Variants in CCDC150 observed in about 807,000 individuals in gnomAD.
CCDC150 encodes the protein coiled-coil domain-containing protein 150.
In CCDC150, 151 loss-of-function variants were observed where a neutral mutation model predicts 156.5. That is an observed-to-expected ratio of 0.97 (90% CI 0.85 to 1.10). CCDC150 has a LOEUF of 1.10. Among genes scored for constraint, CCDC150 ranks in the 50% least tolerant of loss-of-function variants. The pLI is 0.00. For missense variants in CCDC150, 1,312 were observed against 1,268.1 expected (o/e 1.03, Z -0.53); for synonymous variants, 452 against 429.4 (o/e 1.05, Z -0.65).
intron 13 of CCDC150, among the ~76,000 whole-genome samples, chr2:196,691,557 C>T: frequency 6.6e-6 from 1 of 151,368 alleles, no homozygotes; most frequent in East Asian, 1.9e-4. Flanking sequence ...GTGGTAATAT[C>T]TCCTTTATCA....
intron 19 of CCDC150, 86 bp downstream of exon 19, chr2:196,719,752 G>T (rs1034670309): frequency 5.4e-6 from 5 of 928,468 alleles, no homozygotes; most frequent in African/African-American, 1.7e-5. Context: ...GTCACTTTAT[G>T]TAGCTTCCTT....
At chr2:196,709,545 T>A (rs1430518122) in intron 15 of CCDC150, among the ~76,000 whole-genome samples, 1 of 152,228 alleles carries the variant, frequency 6.6e-6, no homozygotes, top group African/African-American at 2.4e-5. Flanking sequence ...CTTTGTTCCG[T>A]TGCTGGTGAG....
chr2:196,679,982 A>T (rs902223671), intron 13 of CCDC150, among the ~76,000 whole-genome samples: 2 of 152,154 alleles, frequency 1.3e-5, no homozygotes, highest in African/African-American at 4.8e-5. Flanking sequence ...TTTAAAACAT[A>T]TTCTTATAAT....
intron 4 of CCDC150, chr2:196,657,560 G>A (rs1012063247): frequency 2.3e-5 from 4 of 173,644 alleles, no homozygotes; most frequent in African/African-American, 7.2e-5. Flanking sequence ...ATGTTTGAGA[G>A]GGTGAGGATG....
chr2:196,674,526 T>G (rs1459074481), intron 10 of CCDC150, among the ~76,000 whole-genome samples, 178 bp downstream of exon 10: 1 of 152,180 alleles, frequency 6.6e-6, no homozygotes, highest in Non-Finnish European at 1.5e-5. Flanking sequence ...GGCCTTACAC[T>G]CAGGGCTTTT....
rs577018602 is a variant in CCDC150, at chr2:196,721,303, G to A, written c.2260-219G>A. 1.5e-4 allele frequency among the ~76,000 whole-genome samples: 14 copies of A among 90,590 alleles called. No homozygotes were observed. The South Asian group carries it at 6.3e-3, about 41-fold the overall frequency. 59.4% of individuals were successfully genotyped at this position (90,590 alleles called of 152,430 possible). A position where few individuals can be genotyped will look rare whatever the true frequency, so the allele number is the denominator to read the frequency against. On this transcript the variant is annotated intron_variant, in intron 20 of 27. Transcript: ENST00000389175. ...GCATGGCCTTCCCATTGCCTTCTAAGTGTTTCCTGAGCAATGTCTCTAATG... is the reference window on the plus strand; with the variant it reads ...GCATGGCCTTCCCATTGCCTTCTAAATGTTTCCTGAGCAATGTCTCTAATG...
rs781772582 is a variant in CCDC150, at chr2:196,656,958, C to G, written c.398C>G (p.Ala133Gly). The G allele has an allele frequency of 2.5e-6, 4 of 1,613,228 alleles. No homozygotes were observed. Among genetic ancestry groups the G allele is most frequent in the Non-Finnish European group, 2.5e-6 (3 of 1,179,550 alleles). Residue 133 changes from alanine (A) to glycine (G), a missense_variant and splice_region_variant, in exon 4 of 28, where the codon GCT becomes GGT. Physicochemically the swap from Ala to Gly is moderately conservative, Grantham distance 60. Coordinates refer to ENST00000389175, the MANE Select transcript of CCDC150 (RefSeq NM_001080539.2). ...ATGCCCCTCCTGTGCGGTCTGGTAGCTTTTCTGAAAGATCGACTGAATGCA... is the reference window on the plus strand; with the variant it reads ...ATGCCCCTCCTGTGCGGTCTGGTAGGTTTTCTGAAAGATCGACTGAATGCA... Reference protein sequence around the residue: ...TEKDLNPQKTAFLKDRLNAIQ... With the variant: ...TEKDLNPQKTGFLKDRLNAIQ...
chr2:196,729,808 T>A lies in CCDC150; in HGVS notation c.2767T>A (p.Leu923Met), dbSNP rs1698428540. The change falls in exon 24 of 28, where the codon TTG becomes ATG. Residue 923 changes from leucine to methionine, a missense_variant. By Grantham distance (15) the Leu-to-Met change is conservative. Transcript: ENST00000389175. ...TTACTTTTAGCAAATAGAAAAAGAA[T>A]TGAAGCAAATGGAGCTAATTAAGGA... is the stretch of plus-strand genomic sequence containing the variant. The part of the protein sequence containing the change: ...IERMKQIEKE[L>M]KQMELIKDQY... 1.3e-6 allele frequency: 2 copies of A among 1,579,302 alleles called. No individual in the cohort carries two copies. Among genetic ancestry groups the A allele is most frequent in the Non-Finnish European group, 8.7e-7 (1 of 1,155,734 alleles).
intron 24 of CCDC150, 32 bp from the exon 25 acceptor site, chr2:196,729,924 TC>T: frequency 6.2e-7 from 1 of 1,608,212 alleles, no homozygotes; most frequent in Non-Finnish European, 8.5e-7. Context: ...TGGAGGGTGT[TC>T]ACCAAATGTC....
Position 196,725,965 on chromosome 2 carries a change from C to T in CCDC150, c.2430-8C>T. On this transcript the variant is annotated splice_region_variant and splice_polypyrimidine_tract_variant and intron_variant, in intron 21 of 27. Coordinates refer to ENST00000389175, the MANE Select transcript of CCDC150 (RefSeq NM_001080539.2). ...AAGGTGACTTATCACCTCTCTTCTTCAAAACAGAGACCGGATGACTGAAGA... is the reference window on the plus strand; with the variant it reads ...AAGGTGACTTATCACCTCTCTTCTTTAAAACAGAGACCGGATGACTGAAGA... The T allele has an allele frequency of 1.3e-6, 2 of 1,586,822 alleles. No individual in the cohort carries two copies. Among genetic ancestry groups the T allele is most frequent in the Non-Finnish European group, 1.7e-6 (2 of 1,165,804 alleles).
chr2:196,712,809 AT>A lies in CCDC150; in HGVS notation c.1866+71del. 2.6e-6 allele frequency: 3 copies of A among 1,146,426 alleles called. No homozygotes were observed. In the South Asian group the frequency reaches 4.2e-5, roughly 16 times the overall value. The allele number at this position is 1,146,426 out of a possible 1,614,324, so 71.0% of individuals were successfully genotyped here. A position where few individuals can be genotyped will look rare whatever the true frequency, so the allele number is the denominator to read the frequency against. Reference sequence around the variant, plus strand: ...AAGCTAAAAACCTTTCATAGTTCACATAATATTTTAACGAATGAATAGAAAA... The same window carrying A: ...AAGCTAAAAACCTTTCATAGTTCACAAATATTTTAACGAATGAATAGAAAA... On this transcript the variant is annotated intron_variant, in intron 17 of 27. Coordinates refer to ENST00000389175, the MANE Select transcript of CCDC150 (RefSeq NM_001080539.2).
At chr2:196,712,765 G>T in intron 17 of CCDC150, 26 bp downstream of exon 17, 1 of 1,559,672 alleles carries the variant, frequency 6.4e-7, no homozygotes, top group Non-Finnish European at 8.8e-7. Flanking sequence ...GTGCTTACTT[G>T]TCAGCATGGT....
chr2:196,720,766 G>T, intron 20 of CCDC150, 98 bp downstream of exon 20: 1 of 1,070,998 alleles, frequency 9.3e-7, no homozygotes, highest in Non-Finnish European at 1.4e-6. Context: ...TCAGGTAAAT[G>T]TTTTTTTCAA....
chr2:196,714,475 G>GAGT (rs1697359686), intron 17 of CCDC150, among the ~76,000 whole-genome samples: 1 of 151,830 alleles, frequency 6.6e-6, no homozygotes. Context: ...AGTGTAGGGA[G>GAGT]AGTAGTAGCC....
intron 5 of CCDC150, among the ~76,000 whole-genome samples, chr2:196,660,897 T>C (rs890642880): frequency 3.3e-5 from 5 of 152,226 alleles, no homozygotes; most frequent in African/African-American, 7.2e-5. Flanking sequence ...TTTTCTCTTG[T>C]ATCATCTTCT....
At chr2:196,699,852 A>G (rs1260953938) in intron 14 of CCDC150, among the ~76,000 whole-genome samples, 2 of 152,304 alleles carry the variant, frequency 1.3e-5, no homozygotes, top group East Asian at 3.9e-4. Flanking sequence ...TATCTTGAAC[A>G]GAGGAAAATA....
intron 13 of CCDC150, among the ~76,000 whole-genome samples, chr2:196,687,860 T>C (rs1199136142): frequency 6.6e-6 from 1 of 152,174 alleles, no homozygotes; most frequent in Non-Finnish European, 1.5e-5. Context: ...CAGGGAATCC[T>C]TTCCCCATTG....
chr2:196,646,751 C>T (rs866241582), intron 2 of CCDC150, among the ~76,000 whole-genome samples: 20 of 152,126 alleles, frequency 1.3e-4, no homozygotes, highest in Admixed American at 2.0e-4. Flanking sequence ...CTTTGGTATT[C>T]TGTTCACTTG....
chr2:196,724,837 T>C (rs1698120882), intron 21 of CCDC150, among the ~76,000 whole-genome samples: 1 of 152,196 alleles, frequency 6.6e-6, no homozygotes, highest in African/African-American at 2.4e-5. Flanking sequence ...GGTGTGGGCA[T>C]GGGGAGGAGT....
Sources: gnomAD v4.1 joint callset for allele counts (sites outside exome capture counted in the v4.1 genomes callset) on GRCh38, gnomAD v4.1.1 for gene constraint, MANE v1.5 for transcripts, NCBI Gene and HGNC (gene_info 2026-07-23, HGNC 2026-07-21) for gene names.